The following SIK2 variants were observed in gnomAD, a reference collection of about 807,000 sequenced individuals.
The protein encoded by SIK2 is serine/threonine-protein kinase SIK2.
Under a neutral mutation model 103.2 loss-of-function variants are expected in SIK2, and 29 were observed. The observed-to-expected ratio is 0.28, with a 90% CI of 0.21 to 0.38. The LOEUF is 0.38. Among genes scored for constraint, SIK2 ranks in the 10% least tolerant of loss-of-function variants. SIK2 has a pLI of 1.00. For synonymous variants in SIK2, 412 were observed against 446.1 expected (o/e 0.92, Z 0.96); for missense variants, 879 against 1,171.0 (o/e 0.75, Z 3.64).
At chr11:111,685,552 G>A (rs1942834282) in intron 3 of SIK2, among the ~76,000 whole-genome samples, 2 of 152,088 alleles carry the variant, frequency 1.3e-5, no homozygotes, top group South Asian at 4.1e-4. Flanking sequence ...AGTTTCGAAA[G>A]GATGGTTAGG....
chr11:111,730,686 C>A lies in SIK2; in HGVS notation c.*6557C>A, dbSNP rs1489187292. On this transcript the variant is annotated 3_prime_UTR_variant, in exon 15 of 15. Coordinates refer to ENST00000304987, the MANE Select transcript of SIK2 (RefSeq NM_015191.3). The stretch of plus-strand genomic sequence containing the variant: ...ATAGCTCCAATGTGAAAAAAAAAAT[C>A]AAAAGTATAACTTGTCACTTAATGT... 6.6e-6 allele frequency: 1 copy of A among 151,234 alleles called. No homozygotes were observed. Among genetic ancestry groups the A allele is most frequent in the Non-Finnish European group, 1.5e-5 (1 of 67,878 alleles). 9.4% of individuals were successfully genotyped at this position (151,234 alleles called of 1,614,324 possible).
chr11:111,624,356 T>C (rs969863694), intron 3 of SIK2, among the ~76,000 whole-genome samples: 1 of 152,244 alleles, frequency 6.6e-6, no homozygotes, highest in Non-Finnish European at 1.5e-5. Context: ...ATATTTGTTT[T>C]AGCTAGCAGC....
chr11:111,638,082 A>ATGTT (rs1942133993), intron 3 of SIK2, among the ~76,000 whole-genome samples: 1 of 152,142 alleles, frequency 6.6e-6, no homozygotes, highest in Non-Finnish European at 1.5e-5. Context: ...GGGATTTCCA[A>ATGTT]TGTTTGTATC....
At chr11:111,609,615 C>A (rs1565304670) in intron 1 of SIK2, among the ~76,000 whole-genome samples, 2 of 152,190 alleles carry the variant, frequency 1.3e-5, no homozygotes, top group African/African-American at 2.4e-5. Flanking sequence ...AGCCACCATA[C>A]CCAGCCTTCA....
At chr11:111,673,619 A>G (rs1036030182) in intron 3 of SIK2, among the ~76,000 whole-genome samples, 6 of 152,224 alleles carry the variant, frequency 3.9e-5, no homozygotes, top group Non-Finnish European at 7.3e-5. Context: ...CTGCCATTCC[A>G]TACATCTAAC....
rs1184159192 is a variant in SIK2 at position 111,727,049 on chromosome 11, C to T, written c.*2920C>T. 1.2e-6 allele frequency: 2 copies of T among 1,613,974 alleles called. No individual in the cohort carries two copies. The highest frequency in any genetic ancestry group is 1.1e-5 in the South Asian group (1 of 91,068). On this transcript the variant is annotated 3_prime_UTR_variant, in exon 15 of 15. Coordinates refer to ENST00000304987, the MANE Select transcript of SIK2 (RefSeq NM_015191.3). ...CTCTAGTATCTCCACGCAACTGATA[C>T]ACTGGTCCCTGTAAGGCAAACAGCA...
At chr11:111,606,676 C>T (rs1049952705) in intron 1 of SIK2, among the ~76,000 whole-genome samples, 6 of 152,020 alleles carry the variant, frequency 3.9e-5, no homozygotes, top group Non-Finnish European at 8.8e-5. Context: ...ACTGAGTGTG[C>T]ATTTTACATT....
rs138499652 is a variant in SIK2 at position 111,715,682 on chromosome 11, A to G, written c.1266+3307A>G. On this transcript the variant is annotated intron_variant, in intron 9 of 14. Transcript: ENST00000304987. The stretch of plus-strand genomic sequence containing the variant: ...GAGATCCACAGATGACATGGGGGCC[A>G]TATGGGAGGGCAGATGCATAAACCT... Among the ~76,000 whole-genome samples, 1,128 of 152,192 alleles carry G rather than the reference A, an allele frequency of 7.4e-3. 8 individuals carry two copies. Among genetic ancestry groups the G allele is most frequent in the Middle Eastern group, 0.061 (18 of 294 alleles).
At chr11:111,718,308 C>G (rs781276054) in intron 9 of SIK2, among the ~76,000 whole-genome samples, 5 of 152,132 alleles carry the variant, frequency 3.3e-5, no homozygotes, top group Admixed American at 1.3e-4. Context: ...GCCATTCTTT[C>G]TTGCAAGGAA....
chr11:111,711,721 T>C (rs76762683), intron 8 of SIK2, among the ~76,000 whole-genome samples: 2,015 of 152,282 alleles, frequency 0.013, 48 homozygotes, highest in African/African-American at 0.046. Flanking sequence ...CCATCTCACC[T>C]ACACCAAAAA....
chr11:111,635,848 G>A (rs1942102194), intron 3 of SIK2, among the ~76,000 whole-genome samples: 1 of 152,206 alleles, frequency 6.6e-6, no homozygotes, highest in East Asian at 1.9e-4. Context: ...CTGCTCCCAT[G>A]TCTGGCAGCT....
chr11:111,680,364 T>A (rs1201276938), intron 3 of SIK2, among the ~76,000 whole-genome samples: 1 of 152,178 alleles, frequency 6.6e-6, no homozygotes, highest in Non-Finnish European at 1.5e-5. Context: ...AATTGTGAAG[T>A]CTGCAGATTT....
At chr11:111,718,011 A>G (rs956225120) in intron 9 of SIK2, among the ~76,000 whole-genome samples, 9 of 152,264 alleles carry the variant, frequency 5.9e-5, no homozygotes, top group African/African-American at 1.9e-4. Context: ...GCAAACCACC[A>G]TGACACACGT....
chr11:111,636,999 G>A (rs981789785), intron 3 of SIK2, among the ~76,000 whole-genome samples: 6 of 152,066 alleles, frequency 3.9e-5, no homozygotes, highest in Non-Finnish European at 2.9e-5. Flanking sequence ...AGGCTATCTG[G>A]GAAATTGCCT....
In SIK2 at chr11:111,726,191, T is replaced by C. The variant is rs1047051601; in HGVS notation, c.*2062T>C. ...CAGAAGTGCTACAATATTTGCGATA[T>C]TAAAATGCCTGCAGATTGAAAATGG... is the stretch of plus-strand genomic sequence containing the variant. On this transcript the variant is annotated 3_prime_UTR_variant, in exon 15 of 15. Transcript: ENST00000304987. 2 of 152,178 alleles carry C rather than the reference T, an allele frequency of 1.3e-5. No individual in the cohort carries two copies. Among genetic ancestry groups the C allele is most frequent in the African/African-American group, 4.8e-5 (2 of 41,438 alleles). The allele number at this position is 152,178 out of a possible 1,614,324, so 9.4% of individuals were successfully genotyped here.
intron 2 of SIK2, 122 bp downstream of exon 2, chr11:111,616,481 G>A (rs942428046): frequency 1.5e-6 from 1 of 649,644 alleles, no homozygotes; most frequent in Non-Finnish European, 2.7e-6. Flanking sequence ...TATGCTATTT[G>A]TTACTAAGTA....
chr11:111,604,963 T>G (rs1591583610), intron 1 of SIK2, among the ~76,000 whole-genome samples: 1 of 151,560 alleles, frequency 6.6e-6, no homozygotes, highest in East Asian at 1.9e-4. Flanking sequence ...CTGAATTTTT[T>G]TTTTTTTTTT....
intron 2 of SIK2, among the ~76,000 whole-genome samples, chr11:111,616,945 TGTTTTATGAAAATA>T (rs1941814868): frequency 1.3e-5 from 2 of 152,206 alleles, no homozygotes; most frequent in Non-Finnish European, 2.9e-5. Flanking sequence ...GGATACTGTA[TGTTTTATGAAAATA>T]CAACCACTAA....
chr11:111,702,569 CAAT>C (rs957415847), intron 6 of SIK2, among the ~76,000 whole-genome samples: 3 of 152,038 alleles, frequency 2.0e-5, no homozygotes, highest in African/African-American at 4.8e-5. Context: ...ACCCTGTCTC[CAAT>C]AATAATATAA....
Sources: allele counts gnomAD v4.1 joint callset (sites outside exome capture counted in the v4.1 genomes callset), GRCh38; gene constraint gnomAD v4.1.1; transcripts MANE v1.5; gene names NCBI Gene and HGNC (gene_info 2026-07-23, HGNC 2026-07-21).